DISP1: variants seen among roughly 807,000 people sequenced by gnomAD.
DISP1 encodes protein dispatched homolog 1.
DISP1 carries 30 observed loss-of-function variants against 37.3 expected under a neutral mutation model. That is an observed-to-expected ratio of 0.80 (90% confidence interval 0.60 to 1.09). The LOEUF is 1.09. Among genes scored for constraint, DISP1 ranks in the 50% least tolerant of loss-of-function variants. The pLI is 0.00. For missense variants in DISP1, 1,598 were observed against 1,879.5 expected (o/e 0.85, Z 2.77); for synonymous variants, 634 against 690.2 (o/e 0.92, Z 1.28).
In DISP1 at chr1:223,005,215, G is replaced by T. The variant is rs1443724161; in HGVS notation, c.3818G>T (p.Cys1273Phe). The part of the protein sequence containing the change: ...HFFSLNQRCS[C>F]PDAYKHLNYG... ...TTCTCTCTGAATCAGAGATGTAGCTGCCCAGATGCCTACAAACACTTGAAC... is the reference window on the plus strand; with the variant it reads ...TTCTCTCTGAATCAGAGATGTAGCTTCCCAGATGCCTACAAACACTTGAAC... Residue 1273 changes from cysteine (C) to phenylalanine (F), a missense_variant, in exon 9 of 9, where the codon TGC (cysteine) becomes TTC (phenylalanine). Cys to Phe is a radical substitution (Grantham distance 205). Coordinates refer to ENST00000675850, the MANE Select transcript of DISP1 (RefSeq NM_001377229.1). 4.3e-6 allele frequency: 7 copies of T among 1,613,998 alleles called. No homozygotes were observed. Among genetic ancestry groups the T allele is most frequent in the African/African-American group, 4.0e-5 (3 of 74,920 alleles).
chr1:222,892,765 C>T (rs1161344833), intron 1 of DISP1, among the ~76,000 whole-genome samples: 2 of 152,016 alleles, frequency 1.3e-5, no homozygotes, highest in Admixed American at 6.6e-5. Flanking sequence ...ATGGCAAAAC[C>T]GAAATCAGTG....
rs1558081512 is a variant in DISP1 at position 223,002,561 on chromosome 1, C to G, written c.1164C>G (p.His388Gln). 6.2e-7 allele frequency: 1 copy of G among 1,614,190 alleles called. No homozygotes were observed. Among genetic ancestry groups the G allele is most frequent in the East Asian group, 2.2e-5 (1 of 44,882 alleles). ...TLKLLRTCAK[H>Q]YQNGTLGPDC... ...AGCTGCTTCGGACTTGTGCCAAACA[C>G]TACCAAAATGGCACTCTGGGGCCAG... The change falls in exon 9 of 9, where the codon CAC (histidine) becomes CAG (glutamine). Residue 388 changes from histidine to glutamine, a missense_variant. His to Gln is a conservative substitution (Grantham distance 24, BLOSUM62 0). Transcript: ENST00000675850.
At chr1:222,835,680 G>A (rs1405244884) in intron 1 of DISP1, among the ~76,000 whole-genome samples, 4 of 152,110 alleles carry the variant, frequency 2.6e-5, no homozygotes, top group Non-Finnish European at 5.9e-5. Flanking sequence ...GGCTGGATGC[G>A]GTGGCTCACG....
Position 223,003,142 on chromosome 1 carries a change from A to T in DISP1, c.1745A>T (p.Asn582Ile). The change falls in exon 9 of 9, where the codon AAC becomes ATC. Residue 582 changes from asparagine to isoleucine, a missense_variant. Coordinates refer to ENST00000675850, the MANE Select transcript of DISP1 (RefSeq NM_001377229.1). This position sits in a 1 kb window ranked among gnomAD's most constrained non-coding sequence, Gnocchi z 4.3. ...GCTTTTGTCCTGTGTGATGTTTGGAACTACACAAAATTTGATAAGCCTCAT... is the reference window on the plus strand; with the variant it reads ...GCTTTTGTCCTGTGTGATGTTTGGATCTACACAAAATTTGATAAGCCTCAT... ...DDAFVLCDVW[N>I]YTKFDKPHAE... 1 of 1,614,178 alleles carries T rather than the reference A, an allele frequency of 6.2e-7. No homozygotes were observed. The highest frequency in any genetic ancestry group is 8.5e-7 in the Non-Finnish European group (1 of 1,180,030).
At position 223,005,988 on chromosome 1, in the gene DISP1, A is replaced by G. The variant is rs375574955; in HGVS notation, c.*16A>G. The G allele has an allele frequency of 2.8e-5, 45 of 1,594,928 alleles. No homozygotes were observed. The highest frequency in any genetic ancestry group is 4.0e-5 in the African/African-American group (3 of 74,508). On this transcript the variant is annotated 3_prime_UTR_variant, in exon 9 of 9. Transcript: ENST00000675850. ...AACACTATAATAAATGCAGCATTCA[A>G]TTCAGAACCAGTGCCTCAATTATTC... is the stretch of plus-strand genomic sequence containing the variant.
intron 1 of DISP1, among the ~76,000 whole-genome samples, chr1:222,868,394 T>C (rs1669325905): frequency 6.6e-6 from 1 of 152,252 alleles, no homozygotes; most frequent in Admixed American, 6.5e-5. Flanking sequence ...TTTATAGATA[T>C]AATATTTGTA....
chr1:222,904,630 C>T lies in DISP1; in HGVS notation c.-158-23800C>T, dbSNP rs1469960154. ...TCACCTGGGCTGGAGCATAGTAGCG[C>T]GGTCTCGGCTCACTGCATCCTCTGC... On this transcript the variant is annotated intron_variant, in intron 1 of 8. Coordinates refer to ENST00000675850, the MANE Select transcript of DISP1 (RefSeq NM_001377229.1). 8.0e-5 allele frequency among the ~76,000 whole-genome samples: 12 copies of T among 150,426 alleles called. No individual in the cohort carries two copies. In the South Asian group the frequency reaches 1.1e-3, roughly 13 times the overall value.
At chr1:222,933,381 A>G (rs756384055) in intron 2 of DISP1, among the ~76,000 whole-genome samples, 4 of 151,886 alleles carry the variant, frequency 2.6e-5, no homozygotes, top group Non-Finnish European at 5.9e-5. Flanking sequence ...GGCGTATTTC[A>G]TTTTCAAAGG....
chr1:222,861,159 TG>T (rs1229020394), intron 1 of DISP1, among the ~76,000 whole-genome samples: 1 of 152,180 alleles, frequency 6.6e-6, no homozygotes, highest in African/African-American at 2.4e-5. Flanking sequence ...CACCTCTCTT[TG>T]GAATTGATGT....
intron 1 of DISP1, among the ~76,000 whole-genome samples, chr1:222,831,578 C>T (rs1349068102): frequency 6.6e-6 from 1 of 152,108 alleles, no homozygotes; most frequent in Admixed American, 6.6e-5. Context: ...ATGACAAAAA[C>T]TGCAAGTACT....
Position 222,964,297 on chromosome 1 carries a change from C to A in DISP1, c.510-18783C>A, listed in dbSNP as rs1470188993. On this transcript the variant is annotated intron_variant, in intron 3 of 8. Transcript: ENST00000675850. ...CTGGCGACAGAGCGAGACTCTATCTCAAAAAAAAAAAAAAAGTGTTTGGAA... is the reference window on the plus strand; with the variant it reads ...CTGGCGACAGAGCGAGACTCTATCTAAAAAAAAAAAAAAAAGTGTTTGGAA... Among the ~76,000 whole-genome samples the A allele has an allele frequency of 8.0e-4, 111 of 139,006 alleles. 1 individual carries two copies. Among genetic ancestry groups the A allele is most frequent in the Admixed American group, 1.4e-3 (19 of 13,886 alleles). The allele number at this position is 139,006 out of a possible 152,430, so 91.2% of individuals were successfully genotyped here.
At chr1:222,984,886 A>G (rs927303261) in intron 4 of DISP1, among the ~76,000 whole-genome samples, 107 of 152,278 alleles carry the variant, frequency 7.0e-4, no homozygotes, top group African/African-American at 2.5e-3. Flanking sequence ...CGAATCCTAC[A>G]GTATTTGTCC....
Position 222,994,949 on chromosome 1 carries a change from A to T in DISP1, c.954A>T (p.Ala318=). ...SGGETLWNLP[A]IKSMCNVDNS... ...GGGAGACATTATGGAATTTACCTGC[A>T]ATTAAATCAATGTGCAATGTAGATA... Residue 318 remains alanine, a synonymous_variant, in exon 8 of 9, where the codon GCA becomes GCT. Coordinates refer to ENST00000675850, the MANE Select transcript of DISP1 (RefSeq NM_001377229.1). The T allele has an allele frequency of 6.2e-7, 1 of 1,613,120 alleles. No individual in the cohort carries two copies. The highest frequency in any genetic ancestry group is 8.5e-7 in the Non-Finnish European group (1 of 1,179,366).
At chr1:222,879,787 A>T (rs1670174044) in intron 1 of DISP1, among the ~76,000 whole-genome samples, 1 of 152,188 alleles carries the variant, frequency 6.6e-6, no homozygotes, top group Admixed American at 6.5e-5. Context: ...ATTAAAAAGA[A>T]TTTAATTTCT....
intron 1 of DISP1, among the ~76,000 whole-genome samples, chr1:222,839,447 T>C (rs955080078): frequency 1.4e-4 from 21 of 152,228 alleles, no homozygotes; most frequent in Admixed American, 1.2e-3. Context: ...TCTCTTGGGC[T>C]GATGTCTCTT....
intron 2 of DISP1, among the ~76,000 whole-genome samples, chr1:222,936,847 TA>T (rs544318725): frequency 9.3e-4 from 55 of 58,930 alleles, no homozygotes; most frequent in Admixed American, 2.1e-3. Context: ...ATATATCATA[TA>T]TATGATATAT....
Position 222,833,822 on chromosome 1 carries a change from G to A in DISP1, c.-159+18744G>A, listed in dbSNP as rs369409571. On this transcript the variant is annotated intron_variant, in intron 1 of 8. Transcript: ENST00000675850. ...ACCTTGGCTGTTTCTCTTATTATTT[G>A]TGTCACAAAATGTAGGTTTTCTTAA... is the stretch of plus-strand genomic sequence containing the variant. 3.5e-4 allele frequency among the ~76,000 whole-genome samples: 53 copies of A among 152,262 alleles called. No homozygotes were observed. The East Asian group carries it at 0.01, about 29-fold the overall frequency.
At chr1:222,895,226 G>C (rs922229927) in intron 1 of DISP1, among the ~76,000 whole-genome samples, 1 of 152,192 alleles carries the variant, frequency 6.6e-6, no homozygotes, top group Non-Finnish European at 1.5e-5. Context: ...ATGAGCCTAA[G>C]GAGATACTGT....
intron 1 of DISP1, among the ~76,000 whole-genome samples, chr1:222,845,063 G>T: frequency 6.6e-6 from 1 of 152,090 alleles, no homozygotes; most frequent in East Asian, 1.9e-4. Context: ...AAGGTAAAAT[G>T]ACTTTTTGTG....
Sources: allele counts gnomAD v4.1 joint callset (sites outside exome capture counted in the v4.1 genomes callset), GRCh38; gene constraint gnomAD v4.1.1; non-coding constraint Gnocchi (gnomAD v3.1); transcripts MANE v1.5; gene names NCBI Gene and HGNC (gene_info 2026-07-23, HGNC 2026-07-21).